CDKL5: variants seen among roughly 807,000 people sequenced by gnomAD.
CDKL5 encodes cyclin-dependent kinase-like 5.
A neutral mutation model predicts 61.7 loss-of-function variants in CDKL5; 8 were observed. The observed-to-expected ratio is 0.13, with a 90% confidence interval of 0.08 to 0.23. The LOEUF is 0.23. Ranked by LOEUF, CDKL5 falls within the 10% of genes least tolerant of loss-of-function variation. The pLI is 1.00. For synonymous variants in CDKL5, 275 were observed against 272.3 expected (o/e 1.01, Z -0.10); for missense variants, 440 against 734.5 (o/e 0.60, Z 4.63).
At chrX:18,442,633 A>G (rs985893966) in intron 1 of CDKL5, among the ~76,000 whole-genome samples, 1 of 110,912 alleles carries the variant, frequency 9.0e-6, no homozygotes, top group Non-Finnish European at 1.9e-5. Context: ...AGCTGGGACT[A>G]CAGGTGCCCG....
At chrX:18,461,988 C>T (rs147433939) in intron 1 of CDKL5, among the ~76,000 whole-genome samples, 87 of 110,885 alleles carry the variant, frequency 7.8e-4, no homozygotes, top group African/African-American at 2.1e-3. Flanking sequence ...ATCCAACCCG[C>T]GGTCTGTGGG....
chrX:18,509,812 C>G (rs1382641956), intron 2 of CDKL5, among the ~76,000 whole-genome samples: 1 of 110,073 alleles, frequency 9.1e-6, no homozygotes, highest in East Asian at 2.9e-4. Flanking sequence ...GCAAATCCTA[C>G]TAGCTATTAA....
At chrX:18,532,459 TGAA>T (rs1218788168) in intron 3 of CDKL5, among the ~76,000 whole-genome samples, 3 of 111,162 alleles carry the variant, frequency 2.7e-5, no homozygotes, top group African/African-American at 6.5e-5. Flanking sequence ...CACTTATTTT[TGAA>T]GAAGAACTCA....
intron 20 of CDKL5, among the ~76,000 whole-genome samples, chrX:18,649,518 G>C (rs138663225): frequency 1.8e-5 from 2 of 111,900 alleles, no homozygotes; most frequent in East Asian, 2.8e-4. Flanking sequence ...ACCTCTGGCC[G>C]GGGAGGCTTA....
intron 3 of CDKL5, among the ~76,000 whole-genome samples, chrX:18,522,983 A>T (rs1923308467): frequency 9.2e-6 from 1 of 108,454 alleles, no homozygotes; most frequent in Non-Finnish European, 1.9e-5. Context: ...TTTAGTAGAG[A>T]CAGAGTTTCA....
chrX:18,614,865 C>A (rs941027078), intron 15 of CDKL5, among the ~76,000 whole-genome samples: 1 of 112,246 alleles, frequency 8.9e-6, no homozygotes, highest in Non-Finnish European at 1.9e-5. Context: ...TTGATTATTA[C>A]ATAATGAAGT....
chrX:18,595,209 C>G, intron 9 of CDKL5, 139 bp from the exon 10 acceptor site: 1 of 503,182 alleles, frequency 2.0e-6, no homozygotes. Flanking sequence ...AATACATAGA[C>G]AACAAAAGTA....
At chrX:18,426,036 C>T (rs1351597561) in intron 1 of CDKL5, among the ~76,000 whole-genome samples, 1 of 111,582 alleles carries the variant, frequency 9.0e-6, no homozygotes, top group African/African-American at 3.2e-5. Context: ...GCGTCCCCGC[C>T]CCGCCGCTCC....
intron 8 of CDKL5, among the ~76,000 whole-genome samples, chrX:18,585,047 A>G (rs1925598448): frequency 8.9e-6 from 1 of 112,254 alleles, no homozygotes; most frequent in African/African-American, 3.2e-5. Context: ...TAATTCTTCA[A>G]GTACTTATCA....
intron 3 of CDKL5, among the ~76,000 whole-genome samples, chrX:18,542,717 T>G (rs1439273661): frequency 3.7e-5 from 4 of 108,857 alleles, no homozygotes; most frequent in Non-Finnish European, 7.6e-5. Flanking sequence ...TGGATCCTAT[T>G]TAATGTGTGT....
intron 3 of CDKL5, among the ~76,000 whole-genome samples, chrX:18,559,401 G>T (rs989222613): frequency 9.1e-6 from 1 of 110,233 alleles, no homozygotes; most frequent in African/African-American, 3.3e-5. Flanking sequence ...TAGAGATGGG[G>T]TTTCACCATG....
intron 3 of CDKL5, among the ~76,000 whole-genome samples, chrX:18,524,187 A>G (rs1923350157): frequency 8.9e-6 from 1 of 111,823 alleles, no homozygotes; most frequent in Non-Finnish European, 1.9e-5. Flanking sequence ...GTTTTAGTCT[A>G]TTACCATTGA....
At chrX:18,606,211 A>C (rs201947465) in intron 12 of CDKL5, among the ~76,000 whole-genome samples, 5 of 100,871 alleles carry the variant, frequency 5.0e-5, no homozygotes, top group African/African-American at 7.9e-5. Flanking sequence ...CACACACACA[A>C]ACACACAATG....
chrX:18,631,682 T>C lies in CDKL5; in HGVS notation c.*2925T>C, dbSNP rs370723730. Reference sequence around the variant, plus strand: ...TATGTTACTTTTATGAAAGTATCACTGATCTCCTTTGGAAAAGAAACTCTG... The same window carrying C: ...TATGTTACTTTTATGAAAGTATCACCGATCTCCTTTGGAAAAGAAACTCTG... On this transcript the variant is annotated 3_prime_UTR_variant, in exon 18 of 18. Transcript: ENST00000623535. The C allele has an allele frequency of 4.0e-6, 3 of 751,079 alleles. No homozygotes were observed. The highest frequency in any genetic ancestry group is 1.4e-4 in the South Asian group (2 of 14,695). The allele number at this position is 751,079 out of a possible 1,213,427, so 61.9% of individuals were successfully genotyped here. A position where few individuals can be genotyped will look rare whatever the true frequency, so the allele number is the denominator to read the frequency against.
At chrX:18,576,670 G>A (rs1354295421) in intron 5 of CDKL5, among the ~76,000 whole-genome samples, 1 of 109,949 alleles carries the variant, frequency 9.1e-6, no homozygotes, top group African/African-American at 3.3e-5. Context: ...AGAAAAACTG[G>A]AACGGTACTA....
intron 3 of CDKL5, among the ~76,000 whole-genome samples, chrX:18,524,293 A>T (rs1343961708): frequency 1.8e-5 from 2 of 112,179 alleles, no homozygotes; most frequent in African/African-American, 6.5e-5. Flanking sequence ...CATGGATATG[A>T]TATGTGGGTA....
intron 1 of CDKL5, among the ~76,000 whole-genome samples, chrX:18,467,006 G>A: frequency 8.9e-6 from 1 of 111,868 alleles, no homozygotes. Flanking sequence ...GTCAGGTAAT[G>A]TTTTCCAGAG....
At chrX:18,505,804 T>C (rs1439968614) in intron 1 of CDKL5, among the ~76,000 whole-genome samples, 1 of 112,683 alleles carries the variant, frequency 8.9e-6, no homozygotes, top group Non-Finnish European at 1.9e-5. Flanking sequence ...ATTTTTCTTC[T>C]TGTAATTAAT....
At chrX:18,522,017 A>G (rs1384274720) in intron 3 of CDKL5, among the ~76,000 whole-genome samples, 4 of 111,645 alleles carry the variant, frequency 3.6e-5, no homozygotes, top group African/African-American at 1.3e-4. Context: ...TATTTTGTCT[A>G]TCAAGGGCTC....
Sources: gnomAD v4.1 joint callset for allele counts (sites outside exome capture counted in the v4.1 genomes callset) on GRCh38, gnomAD v4.1.1 for gene constraint, MANE v1.5 for transcripts, NCBI Gene and HGNC (gene_info 2026-07-23, HGNC 2026-07-21) for gene names.